Variants in ZNF521 observed in about 807,000 individuals in gnomAD.
ZNF521 encodes the protein zinc finger protein 521, also known as LYST-interacting protein 3.
ZNF521 carries 14 observed loss-of-function variants against 105.5 expected under a neutral mutation model. The observed-to-expected ratio is 0.13, with a 90% CI of 0.09 to 0.21. The LOEUF (loss-of-function observed/expected upper bound fraction) is 0.21. ZNF521 is among the 10% of genes least tolerant of loss of function. The probability of loss-of-function intolerance (pLI) is 1.00; values close to 1 mark genes in which losing one functional copy is unlikely to be tolerated. For synonymous variants in ZNF521, 635 were observed against 606.0 expected (o/e 1.05, Z -0.70); for missense variants, 1,233 against 1,629.7 (o/e 0.76, Z 4.19).
intron 5 of ZNF521, among the ~76,000 whole-genome samples, chr18:25,116,313 G>T (rs946946951): frequency 6.6e-6 from 1 of 152,138 alleles, no homozygotes; most frequent in Non-Finnish European, 1.5e-5. Context: ...GAGAAAGTGG[G>T]TTCTTTGGAA....
intron 5 of ZNF521, among the ~76,000 whole-genome samples, chr18:25,163,059 C>A (rs2035277585): frequency 6.6e-6 from 1 of 151,962 alleles, no homozygotes; most frequent in South Asian, 2.1e-4. Context: ...CAAGAAGAGA[C>A]TATAATTCAG....
chr18:25,248,895 GC>G (rs1907914780), intron 3 of ZNF521, among the ~76,000 whole-genome samples: 1 of 152,130 alleles, frequency 6.6e-6, no homozygotes, highest in African/African-American at 2.4e-5. Context: ...AAATGCTCTT[GC>G]TTTTGTAAAT....
chr18:25,078,004 T>C (rs1328800684), intron 7 of ZNF521, among the ~76,000 whole-genome samples: 1 of 152,202 alleles, frequency 6.6e-6, no homozygotes, highest in Non-Finnish European at 1.5e-5. Context: ...GCAGTCCATC[T>C]ATCTTTTAGT....
intron 5 of ZNF521, among the ~76,000 whole-genome samples, chr18:25,122,627 C>T (rs996697108): frequency 2.6e-5 from 4 of 152,114 alleles, no homozygotes; most frequent in African/African-American, 9.7e-5. Flanking sequence ...TTTATCTCCA[C>T]TTTTTATGGA....
chr18:25,229,537 CAA>C (rs36120208), intron 3 of ZNF521, among the ~76,000 whole-genome samples: 13 of 148,262 alleles, frequency 8.8e-5, no homozygotes, highest in African/African-American at 2.7e-4. Context: ...ACTCAACATA[CAA>C]AAAAAAAAAT....
chr18:25,282,037 G>A (rs2144991206), intron 3 of ZNF521, among the ~76,000 whole-genome samples: 1 of 152,186 alleles, frequency 6.6e-6, no homozygotes, highest in African/African-American at 2.4e-5. Context: ...CACCCTTCCT[G>A]AGAAAAGGAT....
chr18:25,337,775 A>G (rs1332587536), intron 2 of ZNF521, among the ~76,000 whole-genome samples: 2 of 152,174 alleles, frequency 1.3e-5, no homozygotes, highest in African/African-American at 4.8e-5. Context: ...TCCCATGTAT[A>G]TAAAATCATA....
At chr18:25,220,830 T>A (rs1469578505) in intron 4 of ZNF521, among the ~76,000 whole-genome samples, 1 of 152,140 alleles carries the variant, frequency 6.6e-6, no homozygotes. Context: ...TTCAAAGTCA[T>A]GAGACAACAT....
At position 25,225,222 on chromosome 18, in the gene ZNF521, G is replaced by C. The variant is rs751406794; in HGVS notation, c.2696C>G (p.Thr899Ser). 1.1e-5 allele frequency: 18 copies of C among 1,613,994 alleles called. No homozygotes were observed. The highest frequency in any genetic ancestry group is 1.5e-5 in the Non-Finnish European group (18 of 1,180,028). ...DICGAAYTME[T>S]LLQNHQLRDH... Reference sequence around the variant, plus strand: ...TCGGAGCTGGTGATTCTGCAGCAAAGTTTCCATAGTGTAGGCTGCCCCACA... The same window carrying C: ...TCGGAGCTGGTGATTCTGCAGCAAACTTTCCATAGTGTAGGCTGCCCCACA... Residue 899 changes from threonine (T) to serine (S), a missense_variant, in exon 4 of 8, where the codon ACT becomes AGT. Thr to Ser is a moderately conservative substitution (Grantham distance 58, BLOSUM62 1). Coordinates refer to ENST00000361524, the MANE Select transcript of ZNF521 (RefSeq NM_015461.3). This position sits in a 1 kb window ranked among gnomAD's most constrained non-coding sequence, Gnocchi z 5.6.
At chr18:25,139,183 A>G (rs8093412) in intron 5 of ZNF521, among the ~76,000 whole-genome samples, 101,411 of 150,782 alleles carry the variant, frequency 0.67, 34,554 homozygotes, top group African/African-American at 0.78. Context: ...AGCCTGGCCA[A>G]CATGGTGAAA....
At chr18:25,335,358 T>C (rs1390766497) in intron 2 of ZNF521, among the ~76,000 whole-genome samples, 1 of 152,132 alleles carries the variant, frequency 6.6e-6, no homozygotes, top group Non-Finnish European at 1.5e-5. Flanking sequence ...AAGTGGGTCA[T>C]CTCTAGGGTC....
chr18:25,233,037 G>C (rs980848577), intron 3 of ZNF521, among the ~76,000 whole-genome samples: 1 of 152,148 alleles, frequency 6.6e-6, no homozygotes, highest in Non-Finnish European at 1.5e-5. Context: ...AACACTAAGA[G>C]AAGTCGGGCT....
chr18:25,099,523 G>C (rs560433124), intron 5 of ZNF521, among the ~76,000 whole-genome samples: 1 of 152,206 alleles, frequency 6.6e-6, no homozygotes, highest in East Asian at 1.9e-4. Context: ...ATATTATTAT[G>C]TATCTTATAT....
At chr18:25,247,816 C>T (rs543420826) in intron 3 of ZNF521, among the ~76,000 whole-genome samples, 23 of 151,928 alleles carry the variant, frequency 1.5e-4, no homozygotes, top group Non-Finnish European at 2.8e-4. Flanking sequence ...TGGCAATGGT[C>T]CAGTGAGAGG....
In ZNF521 at chr18:25,289,822, G is replaced by C. The variant is rs1213026913; in HGVS notation, c.220+32186C>G. Among the ~76,000 whole-genome samples, 3 of 152,126 alleles carry C rather than the reference G, an allele frequency of 2.0e-5. No homozygotes were observed. In the South Asian group the frequency reaches 6.2e-4, roughly 32 times the overall value. On this transcript the variant is annotated intron_variant, in intron 3 of 7. Coordinates refer to ENST00000361524, the MANE Select transcript of ZNF521 (RefSeq NM_015461.3). ...TTAATTTTAAAAATGCGGCTAGCTAGACAATCAACTTCCGCACACAATAAA... is the reference window on the plus strand; with the variant it reads ...TTAATTTTAAAAATGCGGCTAGCTACACAATCAACTTCCGCACACAATAAA...
intron 3 of ZNF521, among the ~76,000 whole-genome samples, chr18:25,291,385 T>C (rs748376485): frequency 8.5e-5 from 13 of 152,224 alleles, no homozygotes; most frequent in Non-Finnish European, 1.6e-4. Context: ...CAAATCCTCA[T>C]GTGGAATGTT....
chr18:25,295,134 A>G (rs1600270304), intron 3 of ZNF521, among the ~76,000 whole-genome samples: 1 of 152,108 alleles, frequency 6.6e-6, no homozygotes, highest in East Asian at 1.9e-4. Context: ...AAAGGTAAGC[A>G]CTAACCTGAC....
At chr18:25,331,732 G>A (rs8085084) in intron 2 of ZNF521, among the ~76,000 whole-genome samples, 130,783 of 152,118 alleles carry the variant, frequency 0.86, 56,556 homozygotes, top group African/African-American at 0.96. Flanking sequence ...GCATTAGCTT[G>A]GGGGGAAAGT....
chr18:25,166,133 A>G (rs1333487901), intron 5 of ZNF521, among the ~76,000 whole-genome samples: 3 of 152,236 alleles, frequency 2.0e-5, no homozygotes, highest in African/African-American at 7.2e-5. Flanking sequence ...TTTGAAAAAA[A>G]TCTTTAAAAC....
Sources: gnomAD v4.1 joint callset for allele counts (sites outside exome capture counted in the v4.1 genomes callset) on GRCh38, gnomAD v4.1.1 for gene constraint, Gnocchi (gnomAD v3.1) non-coding constraint, MANE v1.5 for transcripts, NCBI Gene and HGNC (gene_info 2026-07-23, HGNC 2026-07-21) for gene names.